Variants in SGK1 observed in about 807,000 individuals in gnomAD.
SGK1 encodes the protein serum/glucocorticoid regulated kinase 1.
SGK1 carries 26 observed loss-of-function variants against 64.2 expected under a neutral mutation model. The ratio of observed to expected loss-of-function variants is 0.40; its 90% confidence interval spans 0.30 to 0.56. The LOEUF is 0.56. Ranked by LOEUF, SGK1 falls within the 20% of genes least tolerant of loss-of-function variation. The pLI is 0.38. For missense variants in SGK1, 519 were observed against 645.6 expected (o/e 0.80, Z 2.12); for synonymous variants, 265 against 239.7 (o/e 1.11, Z -0.98).
chr6:134,255,409 T>G (rs1776668252), intron 2 of SGK1, among the ~76,000 whole-genome samples: 1 of 151,698 alleles, frequency 6.6e-6, no homozygotes, highest in African/African-American at 2.4e-5. Context: ...CCAGCTGGGC[T>G]CAGTGGTTCA....
intron 3 of SGK1, among the ~76,000 whole-genome samples, chr6:134,191,747 C>A (rs1775513661): frequency 6.6e-6 from 1 of 151,024 alleles, no homozygotes; most frequent in African/African-American, 2.4e-5. Context: ...CGGCTCACTG[C>A]AACCTCTGCC....
intron 2 of SGK1, among the ~76,000 whole-genome samples, chr6:134,247,253 T>A (rs1776538390): frequency 1.3e-5 from 2 of 152,100 alleles, no homozygotes; most frequent in African/African-American, 4.8e-5. Context: ...AACAAAGTCT[T>A]CCAGAGCAGA....
chr6:134,259,947 G>A (rs956253702), intron 2 of SGK1: 3 of 152,194 alleles, frequency 2.0e-5, no homozygotes, highest in Admixed American at 6.5e-5. Flanking sequence ...CACAGGCTTA[G>A]CTAATATGTA....
chr6:134,298,631 G>A, intron 1 of SGK1: 1 of 1,303,828 alleles, frequency 7.7e-7, no homozygotes. Flanking sequence ...TGTAGGAGCG[G>A]CTGCTGAAGG....
chr6:134,244,186 T>C (rs1470762380), intron 2 of SGK1, among the ~76,000 whole-genome samples: 2 of 146,214 alleles, frequency 1.4e-5, no homozygotes, highest in Non-Finnish European at 3.0e-5. Context: ...TATGTTCTCA[T>C]TGTTCAACTA....
In SGK1 at chr6:134,282,779, C is replaced by T. The variant is rs555859943; in HGVS notation, c.70-20631G>A. Reference sequence around the variant, plus strand: ...AATAATAAATTATGCCTCAAGACTGCAGCCTAAGACTTCTGGCCTGCCCCA... The same window carrying T: ...AATAATAAATTATGCCTCAAGACTGTAGCCTAAGACTTCTGGCCTGCCCCA... On this transcript the variant is annotated intron_variant, in intron 1 of 13. Transcript: ENST00000367858. Among the ~76,000 whole-genome samples the T allele has an allele frequency of 4.2e-4, 64 of 151,886 alleles. 2 individuals carry two copies. The highest frequency in any genetic ancestry group is 1.5e-3 in the African/African-American group (60 of 41,186).
intron 1 of SGK1, among the ~76,000 whole-genome samples, chr6:134,263,532 T>C (rs1776800015): frequency 6.6e-6 from 1 of 151,926 alleles, no homozygotes; most frequent in African/African-American, 2.4e-5. Context: ...ATCCGGCCCA[T>C]ATATACTACT....
intron 2 of SGK1, among the ~76,000 whole-genome samples, chr6:134,238,487 A>G (rs1187319295): frequency 6.6e-6 from 1 of 152,208 alleles, no homozygotes; most frequent in African/African-American, 2.4e-5. Flanking sequence ...CTTGAAATCA[A>G]AGAAGTAGGG....
intron 2 of SGK1, among the ~76,000 whole-genome samples, chr6:134,238,795 G>A (rs546310383): frequency 1.3e-5 from 2 of 152,224 alleles, no homozygotes; most frequent in South Asian, 4.1e-4. Context: ...GAGTTACTCT[G>A]CAAAATGGAG....
chr6:134,265,587 A>ATATATTT (rs1291121830), intron 1 of SGK1, among the ~76,000 whole-genome samples: 1 of 144,964 alleles, frequency 6.9e-6, no homozygotes, highest in African/African-American at 2.5e-5. Context: ...ACATATACAT[A>ATATATTT]TATACATATA....
chr6:134,303,184 G>A (rs1241904205), intron 1 of SGK1, among the ~76,000 whole-genome samples: 1 of 151,974 alleles, frequency 6.6e-6, no homozygotes, highest in Non-Finnish European at 1.5e-5. Flanking sequence ...ACGAGGTCAG[G>A]AGATCGAGTC....
intron 1 of SGK1, among the ~76,000 whole-genome samples, chr6:134,300,557 A>G (rs1472152491): frequency 1.4e-5 from 2 of 148,124 alleles, no homozygotes; most frequent in Non-Finnish European, 3.0e-5. Flanking sequence ...AAAAAAAAGA[A>G]AGAAAGATGG....
intron 2 of SGK1, among the ~76,000 whole-genome samples, chr6:134,220,294 T>A (rs1582721224): frequency 2.0e-5 from 3 of 152,084 alleles, no homozygotes; most frequent in Admixed American, 2.0e-4. Context: ...GGCTAGAAGA[T>A]ATTTAACAGA....
intron 1 of SGK1, chr6:134,298,611 G>T (rs1171081736): frequency 2.7e-6 from 3 of 1,126,286 alleles, no homozygotes; most frequent in Non-Finnish European, 2.7e-6. Flanking sequence ...GCAGGTACTG[G>T]GCCCACTCGT....
At chr6:134,209,430 T>C (rs538668454) in intron 2 of SGK1, among the ~76,000 whole-genome samples, 2 of 152,264 alleles carry the variant, frequency 1.3e-5, no homozygotes, top group Non-Finnish European at 2.9e-5. Flanking sequence ...CGAGCCTCTG[T>C]CTCAAAAAAA....
intron 2 of SGK1, among the ~76,000 whole-genome samples, chr6:134,225,364 A>G (rs1267458815): frequency 6.6e-6 from 1 of 151,662 alleles, no homozygotes; most frequent in Non-Finnish European, 1.5e-5. Context: ...AAAAAAAAAA[A>G]AAAAGAAAAG....
chr6:134,208,828 ATATGTATG>A (rs1031790627), intron 2 of SGK1, among the ~76,000 whole-genome samples: 13 of 149,784 alleles, frequency 8.7e-5, no homozygotes, highest in African/African-American at 3.3e-4. Flanking sequence ...GCATGTATAT[ATATGTATG>A]TGTGTATGCA....
At chr6:134,299,598 G>A (rs1225200909) in intron 1 of SGK1, among the ~76,000 whole-genome samples, 1 of 152,082 alleles carries the variant, frequency 6.6e-6, no homozygotes, top group African/African-American at 2.4e-5. Context: ...TGAAAACTAT[G>A]CAGAGTGGTT....
At chr6:134,189,679 T>C (rs1175041025) in intron 3 of SGK1, among the ~76,000 whole-genome samples, 2 of 152,228 alleles carry the variant, frequency 1.3e-5, no homozygotes, top group African/African-American at 4.8e-5. Flanking sequence ...ATCATCACAA[T>C]AGACCTAGTT....
Sources: gnomAD v4.1 joint callset for allele counts (sites outside exome capture counted in the v4.1 genomes callset) on GRCh38, gnomAD v4.1.1 for gene constraint, MANE v1.5 for transcripts, NCBI Gene and HGNC (gene_info 2026-07-23, HGNC 2026-07-21) for gene names.